The following CACNA1E variants were observed in gnomAD, a reference collection of about 807,000 sequenced individuals.
The protein encoded by CACNA1E is voltage-dependent R-type calcium channel subunit alpha-1E.
Under a neutral mutation model 259.2 loss-of-function variants are expected in CACNA1E, and 40 were observed. The observed-to-expected ratio is 0.15, with a 90% confidence interval of 0.12 to 0.20. The LOEUF (loss-of-function observed/expected upper bound fraction) is 0.20. Among genes scored for constraint, CACNA1E ranks in the 10% least tolerant of loss-of-function variants. The probability of loss-of-function intolerance (pLI) is 1.00; values close to 1 mark genes in which losing one functional copy is unlikely to be tolerated. For synonymous variants in CACNA1E, 1,104 were observed against 1,138.5 expected (o/e 0.97, Z 0.61); for missense variants, 1,874 against 3,040.1 (o/e 0.62, Z 9.02).
intron 2 of CACNA1E, among the ~76,000 whole-genome samples, chr1:181,472,358 G>A (rs1165504519): frequency 6.6e-6 from 1 of 152,134 alleles, no homozygotes; most frequent in Non-Finnish European, 1.5e-5. Flanking sequence ...AGAGACTTGT[G>A]TTAAATAAGT....
intron 36 of CACNA1E, 50 bp from the exon 37 acceptor site, chr1:181,772,016 A>G: frequency 6.4e-7 from 1 of 1,553,344 alleles, no homozygotes; most frequent in Non-Finnish European, 8.8e-7. Context: ...CAAGAATATG[A>G]TAGGATCTGC....
chr1:181,755,281 C>T lies in CACNA1E; in HGVS notation c.3873C>T (p.Asn1291=). 6.2e-7 allele frequency: 1 copy of T among 1,613,382 alleles called. No homozygotes were observed. The highest frequency in any genetic ancestry group is 1.1e-5 in the South Asian group (1 of 91,060). The change falls in exon 28 of 48, where the codon AAC becomes AAT. Residue 1291 remains asparagine (N), a synonymous_variant. Coordinates refer to ENST00000367573, the MANE Select transcript of CACNA1E (RefSeq NM_001205293.3). ...CVVTSLKNVF[N]ILIVYKLFMF... ...TGACCTCCTTGAAGAATGTCTTCAACATACTCATTGTGTACAAGCTCTTCA... is the reference window on the plus strand; with the variant it reads ...TGACCTCCTTGAAGAATGTCTTCAATATACTCATTGTGTACAAGCTCTTCA...
At chr1:181,645,868 A>G (rs1658221843) in intron 6 of CACNA1E, among the ~76,000 whole-genome samples, 1 of 152,238 alleles carries the variant, frequency 6.6e-6, no homozygotes, top group African/African-American at 2.4e-5. Flanking sequence ...TTCAGCTCCA[A>G]GACATGGAAT....
intron 3 of CACNA1E, among the ~76,000 whole-genome samples, chr1:181,562,901 T>A (rs781689251): frequency 3.3e-5 from 5 of 152,178 alleles, no homozygotes; most frequent in Non-Finnish European, 7.4e-5. Flanking sequence ...CATAGCTCTA[T>A]CAAATAGATT....
chr1:181,470,566 G>T (rs1247098940), intron 2 of CACNA1E, among the ~76,000 whole-genome samples: 1 of 152,066 alleles, frequency 6.6e-6, no homozygotes, highest in African/African-American at 2.4e-5. Flanking sequence ...TGGCAACAAT[G>T]CCTTTTCCCC....
Position 181,483,566 on chromosome 1 carries a change from C to A in CACNA1E, c.-179C>A. ...GAGGTTGCATTTAGATTCAACAGTT[C>A]ACAGCGGCGGGCTGCTGCTGCTGCC... On this transcript the variant is annotated 5_prime_UTR_variant, in exon 1 of 48. Transcript: ENST00000367573. The A allele has an allele frequency of 2.8e-6, 1 of 353,164 alleles. No homozygotes were observed. The highest frequency in any genetic ancestry group is 5.1e-6 in the Non-Finnish European group (1 of 194,818). 21.9% of individuals were successfully genotyped at this position (353,164 alleles called of 1,614,324 possible).
intron 37 of CACNA1E, among the ~76,000 whole-genome samples, chr1:181,775,228 G>A (rs1256818979): frequency 1.3e-5 from 2 of 152,178 alleles, no homozygotes; most frequent in South Asian, 2.1e-4. Context: ...TTGAGGCCTG[G>A]GTCACAGGAG....
At chr1:181,607,608 A>G (rs1246782953) in intron 6 of CACNA1E, among the ~76,000 whole-genome samples, 1 of 152,188 alleles carries the variant, frequency 6.6e-6, no homozygotes, top group Non-Finnish European at 1.5e-5. Flanking sequence ...AATGCGAATG[A>G]GATTATTAAT....
chr1:181,441,472 G>A (rs956930061), intron 2 of CACNA1E, among the ~76,000 whole-genome samples: 4 of 152,118 alleles, frequency 2.6e-5, no homozygotes, highest in African/African-American at 9.7e-5. Flanking sequence ...TTTAACATTT[G>A]TTGATGCCAA....
intron 7 of CACNA1E, among the ~76,000 whole-genome samples, chr1:181,691,837 A>T (rs1651191894): frequency 6.6e-6 from 1 of 152,154 alleles, no homozygotes; most frequent in South Asian, 2.1e-4. Context: ...GGTAAGAGAA[A>T]GAAATGAAAG....
At chr1:181,756,347 G>A (rs750342707) in intron 29 of CACNA1E, among the ~76,000 whole-genome samples, 7 of 152,170 alleles carry the variant, frequency 4.6e-5, no homozygotes, top group Non-Finnish European at 1.0e-4. Context: ...GTCAAGTGGA[G>A]CCATCTGACT....
At chr1:181,508,260 C>T (rs924086344) in intron 1 of CACNA1E, among the ~76,000 whole-genome samples, 5 of 151,968 alleles carry the variant, frequency 3.3e-5, no homozygotes, top group African/African-American at 1.2e-4. Context: ...TTTGCCCAAC[C>T]CAGGCTTTCT....
chr1:181,767,308 A>G (rs191612403), intron 35 of CACNA1E, among the ~76,000 whole-genome samples: 104 of 152,324 alleles, frequency 6.8e-4, no homozygotes, highest in African/African-American at 1.9e-3. Flanking sequence ...TTCAAAGATG[A>G]TGGTGGTTCT....
At chr1:181,414,759 T>C (rs1658135952) in intron 2 of CACNA1E, among the ~76,000 whole-genome samples, 1 of 152,262 alleles carries the variant, frequency 6.6e-6, no homozygotes, top group African/African-American at 2.4e-5. Flanking sequence ...AGTGACTTTC[T>C]CAAGGTCACG....
At chr1:181,604,123 T>A (rs199959) in intron 6 of CACNA1E, among the ~76,000 whole-genome samples, 2 of 152,010 alleles carry the variant, frequency 1.3e-5, no homozygotes, top group Non-Finnish European at 2.9e-5. Context: ...AAGGTCTTTG[T>A]TGACTCCATG....
At chr1:181,344,349 T>C (rs2102644956) in intron 1 of CACNA1E, among the ~76,000 whole-genome samples, 1 of 152,334 alleles carries the variant, frequency 6.6e-6, no homozygotes, top group African/African-American at 2.4e-5. Flanking sequence ...CAAAACATGC[T>C]TGGTCTTGCT....
At chr1:181,578,972 G>A (rs1017885006) in intron 4 of CACNA1E, 100 bp from the exon 5 acceptor site, 4 of 1,001,512 alleles carry the variant, frequency 4.0e-6, no homozygotes, top group East Asian at 2.6e-5. Context: ...AGAGGCAGAC[G>A]GCAGCATGGA....
Position 181,539,630 on chromosome 1 carries a change from C to T in CACNA1E, c.512+28120C>T, listed in dbSNP as rs1009015268. On this transcript the variant is annotated intron_variant, in intron 3 of 47. Coordinates refer to ENST00000367573, the MANE Select transcript of CACNA1E (RefSeq NM_001205293.3). ...TATGAGCCTCTCAATCCAGGTGTCC[C>T]GCAAGGTCTGAGTCCCACTGAAGCT... 2.6e-4 allele frequency among the ~76,000 whole-genome samples: 40 copies of T among 152,296 alleles called. 1 individual carries two copies. Among genetic ancestry groups the T allele is most frequent in the Admixed American group, 1.6e-3 (25 of 15,300 alleles).
chr1:181,532,171 A>C (rs1667838011), intron 3 of CACNA1E, among the ~76,000 whole-genome samples: 1 of 152,228 alleles, frequency 6.6e-6, no homozygotes, highest in South Asian at 2.1e-4. Flanking sequence ...AGCCCACATC[A>C]TTTAGCCAAT....
Sources: allele counts gnomAD v4.1 joint callset (sites outside exome capture counted in the v4.1 genomes callset), GRCh38; gene constraint gnomAD v4.1.1; transcripts MANE v1.5; gene names NCBI Gene and HGNC (gene_info 2026-07-23, HGNC 2026-07-21).